CD151: variants seen among roughly 807,000 people sequenced by gnomAD.
The protein encoded by CD151 is CD151 molecule (Raph blood group).
A neutral mutation model predicts 34.2 loss-of-function variants in CD151; 20 were observed. The observed-to-expected ratio is 0.58, with a 90% CI of 0.41 to 0.85. The LOEUF (loss-of-function observed/expected upper bound fraction) is 0.85, where lower values mean the gene tolerates loss of function less well. Among genes scored for constraint, CD151 ranks in the 40% least tolerant of loss-of-function variants. CD151 has a pLI of 0.00. For synonymous variants in CD151, 157 were observed against 131.7 expected, an observed-to-expected ratio of 1.19 and a Z score of -1.32; for missense variants, 306 against 324.5, an observed-to-expected ratio of 0.94 and a Z score of 0.44.
In CD151 at chr11:838,709, T is replaced by TCG; in HGVS notation, c.*517_*518insCG. On this transcript the variant is annotated 3_prime_UTR_variant, in exon 9 of 9. Transcript: ENST00000397420. Reference sequence around the variant, plus strand: ...CACCCGAAATGCCACGTGGTCACTGTGCACTGCCCTGTTCATGTGCCTCTG... The same window carrying TCG: ...CACCCGAAATGCCACGTGGTCACTGTCGGCACTGCCCTGTTCATGTGCCTCTG... 1 of 191,400 alleles carries TCG rather than the reference T, an allele frequency of 5.2e-6. No homozygotes were observed. The highest frequency in any genetic ancestry group is 1.1e-5 in the Non-Finnish European group (1 of 91,388). The allele number at this position is 191,400 out of a possible 1,614,324, so 11.9% of individuals were successfully genotyped here.
intron 7 of CD151, 146 bp from the exon 8 acceptor site, chr11:837,796 G>A: frequency 1.2e-6 from 1 of 849,982 alleles, no homozygotes; most frequent in Non-Finnish European, 1.8e-6. Flanking sequence ...AAGTGGGTGG[G>A]CAGCCCAGTG....
Position 836,993 on chromosome 11 carries a change from G to A in CD151, c.351+150G>A, listed in dbSNP as rs148125849. 3.9e-4 allele frequency: 284 copies of A among 725,162 alleles called. 1 individual carries two copies. The East Asian group carries it at 7.0e-3, about 18-fold the overall frequency. 44.9% of individuals were successfully genotyped at this position (725,162 alleles called of 1,614,324 possible). A position where few individuals can be genotyped will look rare whatever the true frequency, so the allele number is the denominator to read the frequency against. ...ACTGGGCCCTGGAGATGGGGTCTAG[G>A]TCTCTGCAGGGGCACATGGGGTCAG... is the stretch of plus-strand genomic sequence containing the variant. On this transcript the variant is annotated intron_variant, in intron 5 of 8. Coordinates refer to ENST00000397420, the MANE Select transcript of CD151 (RefSeq NM_004357.5).
chr11:838,702 G>C lies in CD151; in HGVS notation c.*510G>C. On this transcript the variant is annotated 3_prime_UTR_variant, in exon 9 of 9. Coordinates refer to ENST00000397420, the MANE Select transcript of CD151 (RefSeq NM_004357.5). Reference sequence around the variant, plus strand: ...TCACCACCACCCGAAATGCCACGTGGTCACTGTGCACTGCCCTGTTCATGT... The same window carrying C: ...TCACCACCACCCGAAATGCCACGTGCTCACTGTGCACTGCCCTGTTCATGT... 4.9e-6 allele frequency: 1 copy of C among 202,184 alleles called. No individual in the cohort carries two copies. Among genetic ancestry groups the C allele is most frequent in the Non-Finnish European group, 1.0e-5 (1 of 97,912 alleles). The allele number at this position is 202,184 out of a possible 1,614,324, so 12.5% of individuals were successfully genotyped here.
Position 838,733 on chromosome 11 carries a change from T to TAA in CD151, c.*541_*542insAA. 3 of 166,380 alleles carry TAA rather than the reference T, an allele frequency of 1.8e-5. No individual in the cohort carries two copies. The highest frequency in any genetic ancestry group is 2.6e-5 in the Non-Finnish European group (2 of 76,060). 10.3% of individuals were successfully genotyped at this position (166,380 alleles called of 1,614,324 possible). On this transcript the variant is annotated 3_prime_UTR_variant, in exon 9 of 9. Coordinates refer to ENST00000397420, the MANE Select transcript of CD151 (RefSeq NM_004357.5). ...GTGCACTGCCCTGTTCATGTGCCTC[T>TAA]GCGGGGCAGGGCCTTCCTGGTTTTG...
rs1235771711 is a variant in CD151 at position 836,756 on chromosome 11, C to A, written c.277-13C>A. On this transcript the variant is annotated splice_polypyrimidine_tract_variant and intron_variant, in intron 4 of 8. Transcript: ENST00000397420. ...GCCTCAGAACAAGGGTGCCCTTGTG[C>A]TGCCCCCCCCAGTACTTCATCCTGC... 2 of 1,612,190 alleles carry A rather than the reference C, an allele frequency of 1.2e-6. No individual in the cohort carries two copies. The highest frequency in any genetic ancestry group is 1.7e-6 in the Non-Finnish European group (2 of 1,179,498).
Sources: allele counts gnomAD v4.1 joint callset, GRCh38; gene constraint gnomAD v4.1.1; transcripts MANE v1.5; gene names NCBI Gene and HGNC (gene_info 2026-07-23, HGNC 2026-07-21).